The following XRCC2 variants were observed in gnomAD, a reference collection of about 807,000 sequenced individuals.
XRCC2 encodes DNA repair protein XRCC2.
In XRCC2, 24 loss-of-function variants were observed where a neutral mutation model predicts 27.3. The observed-to-expected ratio is 0.88, with a 90% confidence interval of 0.64 to 1.24. The LOEUF (loss-of-function observed/expected upper bound fraction) is 1.24. Ranked by LOEUF, XRCC2 falls within the 50% of genes most tolerant of loss-of-function variation. XRCC2 has a pLI of 0.00. For synonymous variants in XRCC2, 106 were observed against 115.4 expected (o/e 0.92, Z 0.52); for missense variants, 321 against 325.8 (o/e 0.99, Z 0.11).
At chr7:152,656,354 T>C (rs1345862244) in intron 2 of XRCC2, among the ~76,000 whole-genome samples, 1 of 152,098 alleles carries the variant, frequency 6.6e-6, no homozygotes, top group Non-Finnish European at 1.5e-5. Flanking sequence ...TGAAACCCCA[T>C]CTCTACTAAA....
intron 1 of XRCC2, among the ~76,000 whole-genome samples, chr7:152,668,128 A>G (rs918749288): frequency 1.1e-4 from 16 of 152,192 alleles, no homozygotes; most frequent in African/African-American, 3.4e-4. Flanking sequence ...AGCCAACCAC[A>G]GTTCGGAACT....
rs1483041546 is a variant in XRCC2, at chr7:152,646,299, A to G, written c.*2343T>C. 8.5e-5 allele frequency: 2 copies of G among 23,584 alleles called. No homozygotes were observed. Among genetic ancestry groups the G allele is most frequent in the African/African-American group, 3.2e-4 (2 of 6,162 alleles). 1.5% of individuals were successfully genotyped at this position (23,584 alleles called of 1,614,324 possible). A position where few individuals can be genotyped will look rare whatever the true frequency, so the allele number is the denominator to read the frequency against. ...TTGCCACGTATTCTAAGTCTGTGAG[A>G]GGGTGTGTGTGTGTGTGTGTGTGTG... On this transcript the variant is annotated 3_prime_UTR_variant, in exon 3 of 3. Transcript: ENST00000359321.
At position 152,651,428 on chromosome 7, in the gene XRCC2, TAAAAAAAA is replaced by T. The variant is rs10628183; in HGVS notation, c.122-2073_122-2066del. 1.8e-3 allele frequency among the ~76,000 whole-genome samples: 249 copies of T among 138,970 alleles called. 4 individuals carry two copies. The highest frequency in any genetic ancestry group is 6.3e-3 in the African/African-American group (234 of 37,286). 91.2% of individuals were successfully genotyped at this position (138,970 alleles called of 152,430 possible). On this transcript the variant is annotated intron_variant, in intron 2 of 2. Coordinates refer to ENST00000359321, the MANE Select transcript of XRCC2 (RefSeq NM_005431.2). The stretch of plus-strand genomic sequence containing the variant: ...TATAGTGAGACCCCAACTCTACAAT[TAAAAAAAA>T]AAAAAAAAAGCCACCCATGGTGGTG...
intron 2 of XRCC2, among the ~76,000 whole-genome samples, chr7:152,659,702 T>G (rs892455916): frequency 2.3e-5 from 3 of 132,680 alleles, no homozygotes; most frequent in African/African-American, 9.1e-5. Context: ...ATGGTGCAAG[T>G]AAAATGTGAA....
At chr7:152,657,537 G>A (rs946163160) in intron 2 of XRCC2, among the ~76,000 whole-genome samples, 6 of 152,010 alleles carry the variant, frequency 3.9e-5, no homozygotes, top group African/African-American at 1.2e-4. Flanking sequence ...GTGATCCACA[G>A]ACCTCAGCCT....
intron 2 of XRCC2, among the ~76,000 whole-genome samples, chr7:152,654,963 A>C (rs752923304): frequency 6.6e-6 from 1 of 152,192 alleles, no homozygotes; most frequent in Non-Finnish European, 1.5e-5. Flanking sequence ...TCAAGATCAA[A>C]ACCTGTAATC....
chr7:152,657,013 AATCACC>A (rs2098030941), intron 2 of XRCC2, among the ~76,000 whole-genome samples: 1 of 151,940 alleles, frequency 6.6e-6, no homozygotes, highest in Admixed American at 6.6e-5. Flanking sequence ...AAGGTGGGCG[AATCACC>A]TGAGGTCAGG....
intron 2 of XRCC2, among the ~76,000 whole-genome samples, chr7:152,650,089 T>G (rs2098027887): frequency 6.6e-6 from 1 of 152,230 alleles, no homozygotes; most frequent in East Asian, 1.9e-4. Flanking sequence ...TAAGTTGGAC[T>G]TCTATGACAC....
intron 1 of XRCC2, among the ~76,000 whole-genome samples, chr7:152,661,047 C>T (rs532873048): frequency 6.6e-6 from 1 of 152,164 alleles, no homozygotes; most frequent in East Asian, 1.9e-4. Flanking sequence ...CACTGTAATC[C>T]CAGCTACTGA....
chr7:152,666,532 T>A (rs2098035786), intron 1 of XRCC2, among the ~76,000 whole-genome samples: 1 of 151,174 alleles, frequency 6.6e-6, no homozygotes, highest in African/African-American at 2.4e-5. Context: ...CTTTTAAATG[T>A]GTTACATAGT....
In XRCC2 at chr7:152,646,990, A is replaced by G. The variant is rs2098026261; in HGVS notation, c.*1652T>C. 1 of 152,210 alleles carries G rather than the reference A, an allele frequency of 6.6e-6. No individual in the cohort carries two copies. Among genetic ancestry groups the G allele is most frequent in the South Asian group, 2.1e-4 (1 of 4,834 alleles). The allele number at this position is 152,210 out of a possible 1,614,324, so 9.4% of individuals were successfully genotyped here. On this transcript the variant is annotated 3_prime_UTR_variant, in exon 3 of 3. Coordinates refer to ENST00000359321, the MANE Select transcript of XRCC2 (RefSeq NM_005431.2). ...CTTTATCCCCACACTGTCTTCCACA[A>G]TGGCTGAACTAATTTAATTTACATT...
At position 152,648,525 on chromosome 7, in the gene XRCC2, G is replaced by A. The variant is rs1352136385; in HGVS notation, c.*117C>T. ...CCCTTGAGGCCAGGAGTTCAAGGCT[G>A]CAGTGAGCCATGATTGTGCCACTGC... On this transcript the variant is annotated 3_prime_UTR_variant, in exon 3 of 3. Transcript: ENST00000359321. 3 of 1,124,134 alleles carry A rather than the reference G, an allele frequency of 2.7e-6. No individual in the cohort carries two copies. Among genetic ancestry groups the A allele is most frequent in the Non-Finnish European group, 3.7e-6 (3 of 813,728 alleles). 69.6% of individuals were successfully genotyped at this position (1,124,134 alleles called of 1,614,324 possible).
intron 1 of XRCC2, among the ~76,000 whole-genome samples, chr7:152,667,284 G>T (rs549455051): frequency 3.2e-4 from 48 of 151,320 alleles, no homozygotes; most frequent in Middle Eastern, 3.4e-3. Context: ...GCACATGCCT[G>T]TAATCCCAGC....
intron 1 of XRCC2, among the ~76,000 whole-genome samples, chr7:152,661,762 A>C (rs1317462369): frequency 6.6e-6 from 1 of 152,166 alleles, no homozygotes; most frequent in Non-Finnish European, 1.5e-5. Context: ...TGGCTTGTAG[A>C]CAACAGCCAA....
chr7:152,666,499 A>C (rs1307509661), intron 1 of XRCC2, among the ~76,000 whole-genome samples: 3 of 152,168 alleles, frequency 2.0e-5, no homozygotes, highest in Non-Finnish European at 4.4e-5. Context: ...AGCATGAGCC[A>C]CCATGCCCAG....
At position 152,646,799 on chromosome 7, in the gene XRCC2, G is replaced by A. The variant is rs901026622; in HGVS notation, c.*1843C>T. The A allele has an allele frequency of 2.0e-5, 3 of 152,206 alleles. No homozygotes were observed. The highest frequency in any genetic ancestry group is 7.2e-5 in the African/African-American group (3 of 41,450). The allele number at this position is 152,206 out of a possible 1,614,324, so 9.4% of individuals were successfully genotyped here. On this transcript the variant is annotated 3_prime_UTR_variant, in exon 3 of 3. Transcript: ENST00000359321. ...GTCAGTCTTGTTCCTTTTTATGGCT[G>A]TATAGTATTCCCTGGTGTGTATGTA... is the stretch of plus-strand genomic sequence containing the variant.
rs1262539456 is a variant in XRCC2, at chr7:152,662,971, TG to T, written c.40-2190del. Among the ~76,000 whole-genome samples, 48 of 152,316 alleles carry T rather than the reference TG, an allele frequency of 3.2e-4. 1 individual carries two copies. The highest frequency in any genetic ancestry group is 1.9e-4 in the Non-Finnish European group (13 of 68,024). ...ATTTAACAGGCGTTCGTTGAATTTC[TG>T]TTGCGTATGAAGCACTGTGCTAGGT... On this transcript the variant is annotated intron_variant, in intron 1 of 2. Coordinates refer to ENST00000359321, the MANE Select transcript of XRCC2 (RefSeq NM_005431.2).
Position 152,648,580 on chromosome 7 carries a change from T to A in XRCC2, c.*62A>T. The A allele has an allele frequency of 1.3e-6, 2 of 1,503,624 alleles. No individual in the cohort carries two copies. Among genetic ancestry groups the A allele is most frequent in the South Asian group, 2.7e-5 (2 of 73,514 alleles). The allele number at this position is 1,503,624 out of a possible 1,614,324, so 93.1% of individuals were successfully genotyped here. Reference sequence around the variant, plus strand: ...CAGCCTGGGAGACAGAGCAAGACTCTGTCTTAAGAAAAATTTTAAGGCTTG... The same window carrying A: ...CAGCCTGGGAGACAGAGCAAGACTCAGTCTTAAGAAAAATTTTAAGGCTTG... On this transcript the variant is annotated 3_prime_UTR_variant, in exon 3 of 3. Transcript: ENST00000359321.
chr7:152,672,437 A>G (rs1392084987), intron 1 of XRCC2, among the ~76,000 whole-genome samples: 1 of 152,250 alleles, frequency 6.6e-6, no homozygotes, highest in African/African-American at 2.4e-5. Flanking sequence ...TACATTTACT[A>G]TGCAGACACT....
Sources: allele counts gnomAD v4.1 joint callset (sites outside exome capture counted in the v4.1 genomes callset), GRCh38; gene constraint gnomAD v4.1.1; transcripts MANE v1.5; gene names NCBI Gene and HGNC (gene_info 2026-07-23, HGNC 2026-07-21).